AUTS2: variants seen among roughly 807,000 people sequenced by gnomAD.
The protein encoded by AUTS2 is activator of transcription and developmental regulator AUTS2, also known as autism susceptibility gene 2 protein.
A neutral mutation model predicts 112.4 loss-of-function variants in AUTS2; 17 were observed. The ratio of observed to expected loss-of-function variants is 0.15; its 90% CI spans 0.10 to 0.23. The LOEUF is 0.23. AUTS2 is among the 10% of genes least tolerant of loss of function. AUTS2 has a pLI of 1.00. For synonymous variants in AUTS2, 751 were observed against 702.7 expected (o/e 1.07, Z -1.09); for missense variants, 1,510 against 1,701.6 (o/e 0.89, Z 1.98).
intron 4 of AUTS2, among the ~76,000 whole-genome samples, chr7:70,154,980 G>T (rs1225020055): frequency 6.6e-6 from 1 of 152,186 alleles, no homozygotes; most frequent in Non-Finnish European, 1.5e-5. Context: ...TGCTTTACAG[G>T]TTTGGTGAAT....
intron 4 of AUTS2, among the ~76,000 whole-genome samples, chr7:70,143,965 C>T (rs147948437): frequency 1.6e-3 from 248 of 152,132 alleles, no homozygotes; most frequent in African/African-American, 5.6e-3. Context: ...CTTGCCCAGA[C>T]CAACAAATGA....
rs1220690608 is a variant in AUTS2 at position 70,661,297 on chromosome 7, G to A, written c.691-37272G>A. On this transcript the variant is annotated intron_variant, in intron 5 of 18. Transcript: ENST00000342771. The stretch of plus-strand genomic sequence containing the variant: ...GTGTTTCTTGGATGCACTTCAAAGC[G>A]TAGGGGGCTTCACAGGTAGAATTAG... 3.3e-5 allele frequency among the ~76,000 whole-genome samples: 5 copies of A among 152,138 alleles called. 1 individual carries two copies. Among genetic ancestry groups the A allele is most frequent in the South Asian group, 4.1e-4 (2 of 4,826 alleles).
At position 70,655,538 on chromosome 7, in the gene AUTS2, C is replaced by T. The variant is rs541749351; in HGVS notation, c.691-43031C>T. Among the ~76,000 whole-genome samples the T allele has an allele frequency of 1.4e-3, 219 of 152,288 alleles. 2 individuals carry two copies. Among genetic ancestry groups the T allele is most frequent in the Non-Finnish European group, 5.6e-4 (38 of 68,018 alleles). On this transcript the variant is annotated intron_variant, in intron 5 of 18. Transcript: ENST00000342771. Reference sequence around the variant, plus strand: ...CTACCTCATGTGGCACCGTGCTTTACGGTAAGGGGGTGAGCATAAACAGAG... The same window carrying T: ...CTACCTCATGTGGCACCGTGCTTTATGGTAAGGGGGTGAGCATAAACAGAG...
intron 5 of AUTS2, among the ~76,000 whole-genome samples, chr7:70,445,054 A>G: frequency 6.6e-6 from 1 of 152,212 alleles, no homozygotes; most frequent in African/African-American, 2.4e-5. Flanking sequence ...GCATTATTCA[A>G]AACACTTTTA....
At chr7:70,260,417 T>C (rs537127770) in intron 4 of AUTS2, among the ~76,000 whole-genome samples, 258 of 151,924 alleles carry the variant, frequency 1.7e-3, no homozygotes, top group African/African-American at 6.0e-3. Flanking sequence ...AATTTATTTC[T>C]GCAGTTATGG....
chr7:70,664,734 C>A (rs1807241534), intron 5 of AUTS2, among the ~76,000 whole-genome samples: 2 of 152,066 alleles, frequency 1.3e-5, no homozygotes, highest in African/African-American at 4.8e-5. Context: ...CAGCCCTGAC[C>A]CAGTAGTAAG....
intron 2 of AUTS2, among the ~76,000 whole-genome samples, chr7:70,111,587 A>C (rs893018714): frequency 2.0e-5 from 3 of 152,140 alleles, no homozygotes; most frequent in African/African-American, 7.2e-5. Context: ...ATCCTGTTAG[A>C]ACTTGGTGGG....
intron 2 of AUTS2, among the ~76,000 whole-genome samples, chr7:69,966,607 T>A (rs1797644990): frequency 6.6e-6 from 1 of 152,152 alleles, no homozygotes; most frequent in Non-Finnish European, 1.5e-5. Flanking sequence ...TACTTGGCAA[T>A]AGAGATGTGC....
chr7:69,752,642 C>T (rs1407893786), intron 1 of AUTS2, among the ~76,000 whole-genome samples: 1 of 152,096 alleles, frequency 6.6e-6, no homozygotes, highest in Non-Finnish European at 1.5e-5. Flanking sequence ...TTGTGACACT[C>T]GCGGTTGACT....
intron 4 of AUTS2, among the ~76,000 whole-genome samples, chr7:70,342,959 G>C (rs549182153): frequency 6.6e-6 from 1 of 152,258 alleles, no homozygotes; most frequent in East Asian, 1.9e-4. Context: ...CAAAATACAG[G>C]ATTGTTTCTA....
At chr7:70,643,515 G>A (rs1400388601) in intron 5 of AUTS2, among the ~76,000 whole-genome samples, 1 of 152,184 alleles carries the variant, frequency 6.6e-6, no homozygotes, top group Non-Finnish European at 1.5e-5. Flanking sequence ...AGGTTGCAGT[G>A]AGCTGGGATT....
At chr7:70,147,209 G>T (rs1016348929) in intron 4 of AUTS2, among the ~76,000 whole-genome samples, 10 of 150,628 alleles carry the variant, frequency 6.6e-5, no homozygotes, top group Admixed American at 4.6e-4. Context: ...CTCCCATCTA[G>T]GCAATATCTC....
Position 70,311,781 on chromosome 7 carries a change from A to G in AUTS2, c.661-123971A>G, listed in dbSNP as rs2129615492. The stretch of plus-strand genomic sequence containing the variant: ...GCCCAGGCTGGAGTGCAGTGGCGCC[A>G]TCTCTGCTCACTGCAAGCTCCGCCT... On this transcript the variant is annotated intron_variant, in intron 4 of 18. Coordinates refer to ENST00000342771, the MANE Select transcript of AUTS2 (RefSeq NM_015570.4). Among the ~76,000 whole-genome samples the G allele has an allele frequency of 1.3e-5, 2 of 152,020 alleles. 1 individual carries two copies. Among genetic ancestry groups the G allele is most frequent in the Middle Eastern group, 6.8e-3 (2 of 294 alleles).
chr7:70,511,880 C>A (rs1299055899), intron 5 of AUTS2, among the ~76,000 whole-genome samples: 1 of 152,022 alleles, frequency 6.6e-6, no homozygotes, highest in Non-Finnish European at 1.5e-5. Flanking sequence ...TCCGGCCTGT[C>A]CTGTCATAAT....
intron 6 of AUTS2, among the ~76,000 whole-genome samples, chr7:70,758,210 T>C (rs1789345569): frequency 6.6e-6 from 1 of 152,202 alleles, no homozygotes; most frequent in Admixed American, 6.5e-5. Context: ...TGTTCCATTG[T>C]GTGGATCTGC....
chr7:70,615,127 C>T (rs1432189711), intron 5 of AUTS2, among the ~76,000 whole-genome samples: 3 of 152,128 alleles, frequency 2.0e-5, no homozygotes, highest in Admixed American at 2.0e-4. Flanking sequence ...TTTTCCTTTC[C>T]CAGGCTCTAG....
At chr7:70,581,095 A>G (rs1411732413) in intron 5 of AUTS2, among the ~76,000 whole-genome samples, 1 of 152,144 alleles carries the variant, frequency 6.6e-6, no homozygotes, top group Non-Finnish European at 1.5e-5. Flanking sequence ...AAAAATTTTA[A>G]AATAAGGCCG....
At chr7:70,507,628 C>G (rs1479893662) in intron 5 of AUTS2, among the ~76,000 whole-genome samples, 1 of 151,842 alleles carries the variant, frequency 6.6e-6, no homozygotes, top group Non-Finnish European at 1.5e-5. Context: ...GAAACCCTGT[C>G]TCTACTAAAA....
intron 4 of AUTS2, among the ~76,000 whole-genome samples, chr7:70,145,155 T>C (rs1192793804): frequency 6.6e-6 from 1 of 152,140 alleles, no homozygotes; most frequent in East Asian, 1.9e-4. Context: ...TTACAAGTCC[T>C]ATGTATTTCT....
Sources: allele counts gnomAD v4.1 joint callset (sites outside exome capture counted in the v4.1 genomes callset), GRCh38; gene constraint gnomAD v4.1.1; transcripts MANE v1.5; gene names NCBI Gene and HGNC (gene_info 2026-07-23, HGNC 2026-07-21).